The following C3orf22 variants were observed in gnomAD, a reference collection of about 807,000 sequenced individuals.
C3orf22 encodes the protein uncharacterized protein C3orf22.
In C3orf22, 7 loss-of-function variants were observed where a neutral mutation model predicts 10.8. The observed-to-expected ratio is 0.65, with a 90% CI of 0.37 to 1.22. C3orf22 has a LOEUF of 1.22. Ranked by LOEUF, C3orf22 falls within the 50% of genes most tolerant of loss-of-function variation. The pLI, the probability that C3orf22 is intolerant of heterozygous loss-of-function variation, is 0.02. For synonymous variants in C3orf22, 79 were observed against 78.9 expected (o/e 1.00, Z 0.00); for missense variants, 173 against 177.0 (o/e 0.98, Z 0.13).
chr3:126,541,058 T>G (rs1170465155), intron 4 of C3orf22, among the ~76,000 whole-genome samples: 1 of 152,182 alleles, frequency 6.6e-6, no homozygotes, highest in East Asian at 1.9e-4. Flanking sequence ...GGCCTGGGTC[T>G]CTACATGGCT....
At chr3:126,551,386 C>T (rs1937183472) in intron 3 of C3orf22, among the ~76,000 whole-genome samples, 1 of 152,206 alleles carries the variant, frequency 6.6e-6, no homozygotes, top group African/African-American at 2.4e-5. Flanking sequence ...CCGTGCCGTG[C>T]ATGACTGAGG....
chr3:126,543,069 G>A lies in C3orf22; in HGVS notation c.286+6468C>T, dbSNP rs138379461. 7.5e-3 allele frequency: 1,140 copies of A among 152,402 alleles called. 11 individuals are homozygous for A. The highest frequency in any genetic ancestry group is 0.01 in the Non-Finnish European group (682 of 68,128). The allele number at this position is 152,402 out of a possible 1,614,324, so 9.4% of individuals were successfully genotyped here. On this transcript the variant is annotated intron_variant and NMD_transcript_variant, in intron 4 of 5. Coordinates refer to the C3orf22 transcript ENST00000505070. ...GCTGGCCTCACGATGGGGCCGTCCCGGGAGCCAGGTGGGAGCTGCCTTCCA... is the reference window on the plus strand; with the variant it reads ...GCTGGCCTCACGATGGGGCCGTCCCAGGAGCCAGGTGGGAGCTGCCTTCCA...
chr3:126,528,274 T>C (rs1936576191), intron 5 of C3orf22, among the ~76,000 whole-genome samples: 1 of 152,052 alleles, frequency 6.6e-6, no homozygotes, highest in Non-Finnish European at 1.5e-5. Context: ...TCAGAGGGCA[T>C]CAGTCTTTAA....
intron 3 of C3orf22, 115 bp from the exon 4 acceptor site, chr3:126,550,193 C>T (rs1937150020): frequency 4.2e-6 from 5 of 1,197,408 alleles, no homozygotes; most frequent in Admixed American, 2.5e-5. Context: ...CTGAGATCTA[C>T]TCCCAACCAG....
Position 126,549,790 on chromosome 3 carries a change from T to G in C3orf22, c.*78A>C. Reference sequence around the variant, plus strand: ...TGGCCATGAAGGCTGATCCCTTTACTAAAGTCTCTGTGGCTACTGCCCAGA... The same window carrying G: ...TGGCCATGAAGGCTGATCCCTTTACGAAAGTCTCTGTGGCTACTGCCCAGA... On this transcript the variant is annotated 3_prime_UTR_variant, in exon 4 of 4. Coordinates refer to ENST00000318225, the MANE Select transcript of C3orf22 (RefSeq NM_152533.3). 6.5e-7 allele frequency: 1 copy of G among 1,531,966 alleles called. No individual in the cohort carries two copies. Among genetic ancestry groups the G allele is most frequent in the Non-Finnish European group, 8.8e-7 (1 of 1,140,238 alleles). 94.9% of individuals were successfully genotyped at this position (1,531,966 alleles called of 1,614,324 possible). A position where few individuals can be genotyped will look rare whatever the true frequency, so the allele number is the denominator to read the frequency against.
At chr3:126,553,585 G>A (rs1019389170) in intron 1 of C3orf22, among the ~76,000 whole-genome samples, 155 bp from the exon 2 acceptor site, 2 of 151,952 alleles carry the variant, frequency 1.3e-5, no homozygotes, top group East Asian at 1.9e-4. Context: ...TTTCTCCTGC[G>A]TGTAGCTTCC....
chr3:126,536,699 G>A (rs1298975727), intron 4 of C3orf22, among the ~76,000 whole-genome samples: 1 of 151,946 alleles, frequency 6.6e-6, no homozygotes, highest in East Asian at 1.9e-4. Flanking sequence ...CTGCAGTGGG[G>A]AGGTGTGCAG....
chr3:126,549,733 T>TG lies in C3orf22; in HGVS notation c.*134dup. On this transcript the variant is annotated 3_prime_UTR_variant, in exon 4 of 4. Transcript: ENST00000318225. The stretch of plus-strand genomic sequence containing the variant: ...AGTTTATTAGCTTGGTGTAGCTTTT[T>TG]GGGGGGACCACAAACCACTCCCGGT... The TG allele has an allele frequency of 2.0e-6, 3 of 1,512,978 alleles. No individual in the cohort carries two copies. Among genetic ancestry groups the TG allele is most frequent in the South Asian group, 1.3e-5 (1 of 78,718 alleles). 93.7% of individuals were successfully genotyped at this position (1,512,978 alleles called of 1,614,324 possible).
At chr3:126,539,456 AAC>A (rs1936875194) in intron 4 of C3orf22, among the ~76,000 whole-genome samples, 1 of 150,732 alleles carries the variant, frequency 6.6e-6, no homozygotes, top group Non-Finnish European at 1.5e-5. Flanking sequence ...CACAACCACA[AAC>A]ACACCACACA....
downstream of C3orf22, among the ~76,000 whole-genome samples, chr3:126,544,754 TGCTG>T (rs1937038190): frequency 6.6e-6 from 1 of 152,212 alleles, no homozygotes; most frequent in Non-Finnish European, 1.5e-5. Flanking sequence ...CACCTGGACA[TGCTG>T]GCAGTTATCA....
intron 4 of C3orf22, among the ~76,000 whole-genome samples, chr3:126,530,382 C>T (rs1441682841): frequency 6.6e-6 from 1 of 152,254 alleles, no homozygotes; most frequent in African/African-American, 2.4e-5. Context: ...GCTGGCGTTT[C>T]CGGAAGGCTG....
chr3:126,551,985 G>A lies in C3orf22; in HGVS notation c.215+12C>T. 1 of 1,603,538 alleles carries A rather than the reference G, an allele frequency of 6.2e-7. No individual in the cohort carries two copies. The highest frequency in any genetic ancestry group is 1.1e-5 in the South Asian group (1 of 90,348). ...AGCCAGTGGGGGTGGTGGCATCAGG[G>A]CAGGGACTTACCCTCGGACTGGGAT... On this transcript the variant is annotated intron_variant, in intron 3 of 3. Transcript: ENST00000318225.
chr3:126,550,260 T>G (rs1292653513), intron 3 of C3orf22, among the ~76,000 whole-genome samples, 182 bp from the exon 4 acceptor site: 1 of 151,840 alleles, frequency 6.6e-6, no homozygotes, highest in Non-Finnish European at 1.5e-5. Context: ...CAGGAAGCCA[T>G]GGGGGCACCG....
At chr3:126,541,792 C>T (rs1419155092) in intron 4 of C3orf22, 2 of 1,543,698 alleles carry the variant, frequency 1.3e-6, no homozygotes, top group Non-Finnish European at 1.7e-6. Flanking sequence ...TGAACAGCGC[C>T]TGTAGCCGCC....
chr3:126,550,278 AC>A lies in C3orf22; in HGVS notation c.216-201del, dbSNP rs141174309. On this transcript the variant is annotated intron_variant, in intron 3 of 3. Transcript: ENST00000318225. ...GAAGCCATGGGGGCACCGCACACTC[AC>A]CCCCCCACACAGGCTCCTCCAGCCA... is the stretch of plus-strand genomic sequence containing the variant. 9.7e-3 allele frequency among the ~76,000 whole-genome samples: 1,450 copies of A among 149,960 alleles called. 24 individuals are homozygous for A. The highest frequency in any genetic ancestry group is 0.033 in the African/African-American group (1,356 of 40,678).
intron 3 of C3orf22, 108 bp downstream of exon 3, chr3:126,551,889 C>T (rs528998609): frequency 2.6e-4 from 325 of 1,227,468 alleles, no homozygotes; most frequent in Non-Finnish European, 3.5e-4. Flanking sequence ...TTTAAAGTGG[C>T]GCGTGCTGGG....
At chr3:126,553,535 AC>A (rs2107583206) in intron 1 of C3orf22, 105 bp from the exon 2 acceptor site, 1 of 710,028 alleles carries the variant, frequency 1.4e-6, no homozygotes. Flanking sequence ...CCGCCAAATG[AC>A]CTGCATCACT....
chr3:126,530,256 C>A (rs1353883256), intron 4 of C3orf22, among the ~76,000 whole-genome samples: 2 of 152,260 alleles, frequency 1.3e-5, no homozygotes, highest in African/African-American at 2.4e-5. Flanking sequence ...TATTCTGAGC[C>A]TCTCTCTGGT....
At chr3:126,544,311 G>T (rs1937032100) in intron 4 of C3orf22, among the ~76,000 whole-genome samples, 1 of 152,208 alleles carries the variant, frequency 6.6e-6, no homozygotes. Flanking sequence ...ACCAGATGCA[G>T]TCCCTAACGC....
Sources: allele counts gnomAD v4.1 joint callset (sites outside exome capture counted in the v4.1 genomes callset), GRCh38; gene constraint gnomAD v4.1.1; transcripts MANE v1.5; gene names NCBI Gene and HGNC (gene_info 2026-07-23, HGNC 2026-07-21).